Variants in DNAJC5B observed in about 807,000 individuals in gnomAD.
The protein encoded by DNAJC5B is DnaJ heat shock protein family (Hsp40) member C5 beta.
DNAJC5B carries 23 observed loss-of-function variants against 24.7 expected under a neutral mutation model. The ratio of observed to expected loss-of-function variants is 0.93; its 90% CI spans 0.67 to 1.32. DNAJC5B has a LOEUF of 1.32. DNAJC5B is among the 40% of genes most tolerant of loss of function. The pLI is 0.00. For missense variants in DNAJC5B, 238 were observed against 240.8 expected, an observed-to-expected ratio of 0.99 and a Z score of 0.08; for synonymous variants, 101 against 90.1, an observed-to-expected ratio of 1.12 and a Z score of -0.68.
the DNAJC5B span, among the ~76,000 whole-genome samples, chr8:66,014,983 A>G: frequency 6.6e-6 from 1 of 152,140 alleles, no homozygotes; most frequent in Non-Finnish European, 1.5e-5. Flanking sequence ...CAGTGGTTTC[A>G]AGGGAACATA....
chr8:66,073,840 T>C (rs1466883564), intron 3 of DNAJC5B, among the ~76,000 whole-genome samples: 1 of 152,170 alleles, frequency 6.6e-6, no homozygotes, highest in Non-Finnish European at 1.5e-5. Context: ...CAATGGGCCA[T>C]AGACTTCCAT....
intron 5 of DNAJC5B, among the ~76,000 whole-genome samples, chr8:66,091,995 G>T (rs1271207692): frequency 6.6e-6 from 1 of 152,136 alleles, no homozygotes; most frequent in Non-Finnish European, 1.5e-5. Context: ...TAGATTGGTG[G>T]TTGCCAGGGC....
chr8:66,068,239 G>A (rs1397529274), intron 3 of DNAJC5B, among the ~76,000 whole-genome samples: 2 of 152,164 alleles, frequency 1.3e-5, no homozygotes. Flanking sequence ...ACAGAGCCAT[G>A]AGAATTTTAG....
Position 66,049,439 on chromosome 8 carries a change from C to T in DNAJC5B, c.-17-2092C>T, listed in dbSNP as rs553334333. Among the ~76,000 whole-genome samples, 11 of 152,336 alleles carry T rather than the reference C, an allele frequency of 7.2e-5. No individual in the cohort carries two copies. The South Asian group carries it at 1.0e-3, about 14-fold the overall frequency. On this transcript the variant is annotated intron_variant, in intron 2 of 5. Transcript: ENST00000276570. ...TTTTATCTTTCACACTACATTTTTACGGTACCTTTTCTGTGTTTAGGTGTT... is the reference window on the plus strand; with the variant it reads ...TTTTATCTTTCACACTACATTTTTATGGTACCTTTTCTGTGTTTAGGTGTT...
At chr8:66,015,501 A>C in the DNAJC5B span, among the ~76,000 whole-genome samples, 2 of 151,964 alleles carry the variant, frequency 1.3e-5, no homozygotes, top group Admixed American at 6.6e-5. Flanking sequence ...TCATGTTTTT[A>C]TAAATAGAAA....
intron 3 of DNAJC5B, among the ~76,000 whole-genome samples, chr8:66,071,056 A>G (rs1807336664): frequency 6.6e-6 from 1 of 152,224 alleles, no homozygotes; most frequent in South Asian, 2.1e-4. Flanking sequence ...TCAACTCAAG[A>G]TGGATCAAAG....
intron 3 of DNAJC5B, among the ~76,000 whole-genome samples, chr8:66,054,388 C>A (rs1806918555): frequency 6.6e-6 from 1 of 152,200 alleles, no homozygotes; most frequent in Admixed American, 6.5e-5. Context: ...GTATCTTCTT[C>A]TAGCACATTT....
intron 3 of DNAJC5B, among the ~76,000 whole-genome samples, chr8:66,071,192 A>G (rs1202718012): frequency 6.6e-6 from 1 of 152,274 alleles, no homozygotes; most frequent in African/African-American, 2.4e-5. Context: ...AAAAGCCAAA[A>G]TTAACAAATG....
chr8:66,055,415 C>G (rs965170511), intron 3 of DNAJC5B, among the ~76,000 whole-genome samples: 3 of 152,202 alleles, frequency 2.0e-5, no homozygotes, highest in African/African-American at 7.2e-5. Flanking sequence ...CTATACACCA[C>G]TTGGCCACTG....
upstream of DNAJC5B, among the ~76,000 whole-genome samples, chr8:66,018,722 G>A (rs1806027132): frequency 7.6e-6 from 1 of 131,898 alleles, no homozygotes; most frequent in South Asian, 2.2e-4. Context: ...AATGCAGGAA[G>A]CTGTGTGGGA....
intron 5 of DNAJC5B, among the ~76,000 whole-genome samples, chr8:66,097,872 G>A (rs1385959650): frequency 1.3e-5 from 2 of 151,336 alleles, no homozygotes; most frequent in South Asian, 2.1e-4. Context: ...TTTTTGAGAC[G>A]GAGTTTCGCT....
At chr8:66,059,653 G>A (rs533204477) in intron 3 of DNAJC5B, among the ~76,000 whole-genome samples, 24 of 152,300 alleles carry the variant, frequency 1.6e-4, no homozygotes, top group Non-Finnish European at 2.2e-4. Flanking sequence ...AGTCTCTGCC[G>A]TCCTTCTTCT....
At chr8:66,042,345 A>G (rs1806628194) in intron 1 of DNAJC5B, among the ~76,000 whole-genome samples, 1 of 152,218 alleles carries the variant, frequency 6.6e-6, no homozygotes, top group Admixed American at 6.5e-5. Context: ...TGTTCTATGT[A>G]ATACTTTAAA....
chr8:66,023,491 C>T (rs751720155), intron 1 of DNAJC5B, among the ~76,000 whole-genome samples: 4 of 152,112 alleles, frequency 2.6e-5, no homozygotes, highest in Non-Finnish European at 5.9e-5. Flanking sequence ...AAATTGAGGG[C>T]TGATTAGAAG....
intron 3 of DNAJC5B, among the ~76,000 whole-genome samples, chr8:66,075,359 G>A (rs1310816774): frequency 6.6e-6 from 1 of 151,962 alleles, no homozygotes; most frequent in African/African-American, 2.4e-5. Context: ...GCCTAGACAT[G>A]ATATCTTTGG....
At chr8:66,097,178 T>TA (rs1314391834) in intron 5 of DNAJC5B, among the ~76,000 whole-genome samples, 1 of 152,024 alleles carries the variant, frequency 6.6e-6, no homozygotes, top group East Asian at 1.9e-4. Context: ...TTTATCACTT[T>TA]AAGTTGACAT....
At chr8:66,027,841 G>A (rs1806279719) in intron 1 of DNAJC5B, among the ~76,000 whole-genome samples, 1 of 152,100 alleles carries the variant, frequency 6.6e-6, no homozygotes, top group African/African-American at 2.4e-5. Context: ...TATGCCAAAT[G>A]AATTCAATGT....
chr8:66,067,574 A>T (rs945374128), intron 3 of DNAJC5B, among the ~76,000 whole-genome samples: 1 of 152,110 alleles, frequency 6.6e-6, no homozygotes, highest in African/African-American at 2.4e-5. Flanking sequence ...TGCTGTGCCT[A>T]AATATTAAAA....
rs528947860 is a variant in DNAJC5B, at chr8:66,073,400, A to G, written c.120-3260A>G. ...AGATTGAAATAGGTCGACATACTATACAAAAGTCAATCTCCAAATTAATCT... is the reference window on the plus strand; with the variant it reads ...AGATTGAAATAGGTCGACATACTATGCAAAAGTCAATCTCCAAATTAATCT... On this transcript the variant is annotated intron_variant, in intron 3 of 5. Transcript: ENST00000276570. Among the ~76,000 whole-genome samples, 11 of 152,296 alleles carry G rather than the reference A, an allele frequency of 7.2e-5. No homozygotes were observed. The South Asian group carries it at 1.2e-3, about 17-fold the overall frequency.
Sources: gnomAD v4.1 joint callset for allele counts (sites outside exome capture counted in the v4.1 genomes callset) on GRCh38, gnomAD v4.1.1 for gene constraint, MANE v1.5 for transcripts, NCBI Gene and HGNC (gene_info 2026-07-23, HGNC 2026-07-21) for gene names.